Variants in GALNTL6 observed in about 807,000 individuals in gnomAD.
The protein encoded by GALNTL6 is polypeptide N-acetylgalactosaminyltransferase like 6, also known as polypeptide N-acetylgalactosaminyltransferase-like 6.
A neutral mutation model predicts 73.7 loss-of-function variants in GALNTL6; 46 were observed. The ratio of observed to expected loss-of-function variants is 0.62; its 90% CI spans 0.49 to 0.80. The LOEUF is 0.80. Ranked by LOEUF, GALNTL6 falls within the 30% of genes least tolerant of loss-of-function variation. GALNTL6 has a pLI of 0.00. For missense variants in GALNTL6, 604 were observed against 755.0 expected, an observed-to-expected ratio of 0.80 and a Z score of 2.34; for synonymous variants, 259 against 263.7, an observed-to-expected ratio of 0.98 and a Z score of 0.17.
At chr4:172,804,159 C>T in intron 5 of GALNTL6, among the ~76,000 whole-genome samples, 1 of 152,226 alleles carries the variant, frequency 6.6e-6, no homozygotes, top group South Asian at 2.1e-4. Flanking sequence ...TTAAGAATAT[C>T]TTATATTCTT....
At chr4:171,959,718 A>T (rs563007444) in intron 2 of GALNTL6, among the ~76,000 whole-genome samples, 7 of 152,274 alleles carry the variant, frequency 4.6e-5, no homozygotes, top group Admixed American at 3.3e-4. Context: ...GAATGACTGG[A>T]TCCTATAGAG....
At chr4:172,482,060 A>G (rs115770796) in intron 5 of GALNTL6, among the ~76,000 whole-genome samples, 3,450 of 152,292 alleles carry the variant, frequency 0.023, 128 homozygotes, top group African/African-American at 0.078. Context: ...AGCGCAGCGC[A>G]GGTGGCCCAG....
intron 5 of GALNTL6, among the ~76,000 whole-genome samples, chr4:172,358,524 T>C (rs1163597041): frequency 1.3e-5 from 2 of 152,198 alleles, no homozygotes; most frequent in Non-Finnish European, 2.9e-5. Flanking sequence ...ATTTTTGTTT[T>C]GTTTTGTTTT....
chr4:172,631,324 T>C (rs901148322), intron 5 of GALNTL6, among the ~76,000 whole-genome samples: 2 of 152,070 alleles, frequency 1.3e-5, no homozygotes, highest in African/African-American at 2.4e-5. Flanking sequence ...TTTTGTATTT[T>C]AGCAGAGACT....
intron 5 of GALNTL6, among the ~76,000 whole-genome samples, chr4:172,696,987 G>T (rs992685071): frequency 2.0e-5 from 3 of 151,916 alleles, no homozygotes; most frequent in East Asian, 3.9e-4. Context: ...GTTTCCTCTG[G>T]ACTACACAAT....
intron 5 of GALNTL6, among the ~76,000 whole-genome samples, chr4:172,790,646 C>T (rs1427380126): frequency 6.6e-6 from 1 of 151,456 alleles, no homozygotes; most frequent in Non-Finnish European, 1.5e-5. Context: ...AGTCCCAGCA[C>T]TTTGGGAGGC....
chr4:172,900,013 G>A (rs1466734958), intron 8 of GALNTL6, among the ~76,000 whole-genome samples: 1 of 152,100 alleles, frequency 6.6e-6, no homozygotes, highest in Non-Finnish European at 1.5e-5. Context: ...CCTATATCTT[G>A]TGCAGACTTC....
chr4:172,967,173 G>A (rs2610212), intron 10 of GALNTL6, among the ~76,000 whole-genome samples: 29,537 of 152,160 alleles, frequency 0.19, 3,489 homozygotes, highest in African/African-American at 0.33. Context: ...CTCTGTTTGT[G>A]TAATTGATAA....
At chr4:172,613,929 A>C (rs1738621712) in intron 5 of GALNTL6, among the ~76,000 whole-genome samples, 1 of 152,228 alleles carries the variant, frequency 6.6e-6, no homozygotes, top group African/African-American at 2.4e-5. Flanking sequence ...ATTTTGTTCT[A>C]GCTACAAAGA....
chr4:172,880,225 G>T (rs1745385084), intron 7 of GALNTL6, among the ~76,000 whole-genome samples: 1 of 152,010 alleles, frequency 6.6e-6, no homozygotes, highest in Non-Finnish European at 1.5e-5. Context: ...AGTTTCATTT[G>T]TAATAGCCCC....
intron 11 of GALNTL6, among the ~76,000 whole-genome samples, chr4:173,021,068 G>C (rs1330429666): frequency 1.3e-5 from 2 of 150,980 alleles, no homozygotes; most frequent in African/African-American, 5.0e-5. Context: ...GTGAGACTCT[G>C]TCTGAAAACA....
At chr4:172,513,536 T>G (rs1243521039) in intron 5 of GALNTL6, among the ~76,000 whole-genome samples, 2 of 152,196 alleles carry the variant, frequency 1.3e-5, no homozygotes, top group Middle Eastern at 3.2e-3. Context: ...TTCCTTCTCA[T>G]TTGAGTAGAC....
chr4:172,088,602 A>G (rs866534124), intron 2 of GALNTL6, among the ~76,000 whole-genome samples: 3 of 152,332 alleles, frequency 2.0e-5, no homozygotes, highest in African/African-American at 7.2e-5. Context: ...AATTGAACAG[A>G]GAGTTTGATT....
intron 2 of GALNTL6, among the ~76,000 whole-genome samples, chr4:171,863,901 G>T (rs1735902984): frequency 6.6e-6 from 1 of 152,018 alleles, no homozygotes; most frequent in South Asian, 2.1e-4. Context: ...GGGGTTACAG[G>T]TGCCCGCCAC....
chr4:172,972,662 A>G lies in GALNTL6; in HGVS notation c.1371+20404A>G, dbSNP rs147569873. 3.7e-3 allele frequency among the ~76,000 whole-genome samples: 556 copies of G among 152,300 alleles called. 3 individuals are homozygous for G. Among genetic ancestry groups the G allele is most frequent in the African/African-American group, 0.013 (529 of 41,560 alleles). On this transcript the variant is annotated intron_variant, in intron 10 of 12. Coordinates refer to ENST00000506823, the MANE Select transcript of GALNTL6 (RefSeq NM_001034845.3). Reference sequence around the variant, plus strand: ...ATTCTAGTTGTGGGGCAGGAAAGGTAGACGGTGGGCTGAGATAGTTTGTTA... The same window carrying G: ...ATTCTAGTTGTGGGGCAGGAAAGGTGGACGGTGGGCTGAGATAGTTTGTTA...
rs566216148 is a variant in GALNTL6 at position 173,006,184 on chromosome 4, G to C, written c.1372-2994G>C. On this transcript the variant is annotated intron_variant, in intron 10 of 12. Transcript: ENST00000506823. ...CCTGGGACCCACTGGCCATGAACCT[G>C]CAAGCAGCTGCTTTTTCTTCCCAAA... Among the ~76,000 whole-genome samples, 79 of 152,288 alleles carry C rather than the reference G, an allele frequency of 5.2e-4. 1 individual carries two copies. The South Asian group carries it at 0.016, about 31-fold the overall frequency.
chr4:172,053,265 C>A (rs1730928313), intron 2 of GALNTL6, among the ~76,000 whole-genome samples: 1 of 151,980 alleles, frequency 6.6e-6, no homozygotes. Context: ...TTCTTTGTAA[C>A]CAGACATGGT....
At chr4:173,039,697 C>T (rs1290782002) in intron 12 of GALNTL6, among the ~76,000 whole-genome samples, 3 of 152,144 alleles carry the variant, frequency 2.0e-5, no homozygotes, top group Non-Finnish European at 4.4e-5. Flanking sequence ...TGAATAAATA[C>T]ATTTATTGTC....
intron 7 of GALNTL6, among the ~76,000 whole-genome samples, chr4:172,846,566 C>CA (rs1396937539): frequency 6.6e-6 from 1 of 151,802 alleles, no homozygotes; most frequent in African/African-American, 2.4e-5. Flanking sequence ...TGTAATATGG[C>CA]AAAGAAAAAT....
Sources: gnomAD v4.1 joint callset for allele counts (sites outside exome capture counted in the v4.1 genomes callset) on GRCh38, gnomAD v4.1.1 for gene constraint, MANE v1.5 for transcripts, NCBI Gene and HGNC (gene_info 2026-07-23, HGNC 2026-07-21) for gene names.